The following PCDHGA3 variants were observed in gnomAD, a reference collection of about 807,000 sequenced individuals.
PCDHGA3 encodes protocadherin gamma subfamily A, 3, also known as protocadherin gamma-A3.
A neutral mutation model predicts 58.5 loss-of-function variants in PCDHGA3; 40 were observed. The observed-to-expected ratio is 0.68, with a 90% CI of 0.53 to 0.89. PCDHGA3 has a LOEUF of 0.89. Among genes scored for constraint, PCDHGA3 ranks in the 40% least tolerant of loss-of-function variants. The pLI is 0.00. For missense variants in PCDHGA3, 1,223 were observed against 1,195.9 expected, an observed-to-expected ratio of 1.02 and a Z score of -0.33; for synonymous variants, 530 against 525.7, an observed-to-expected ratio of 1.01 and a Z score of -0.11.
intron 1 of PCDHGA3, chr5:141,400,754 C>G: frequency 1.7e-6 from 1 of 589,004 alleles, no homozygotes. Context: ...TTAGCTTCCT[C>G]TCTAGCAAAA....
Position 141,403,685 on chromosome 5 carries a change from C to G in PCDHGA3, c.2424+57228C>G, listed in dbSNP as rs778849334. On this transcript the variant is annotated intron_variant, in intron 1 of 3. Coordinates refer to ENST00000253812, the MANE Select transcript of PCDHGA3 (RefSeq NM_018916.4). ...TGATAATGCCCCGGTTTTTGCTCAA[C>G]GGATTTACCGAGTTAAAGTCCTTGA... 8 of 1,613,704 alleles carry G rather than the reference C, an allele frequency of 5.0e-6. No homozygotes were observed. In the Admixed American group the frequency reaches 1.0e-4, roughly 20 times the overall value.
chr5:141,359,010 G>A (rs1338190636), intron 1 of PCDHGA3, among the ~76,000 whole-genome samples: 1 of 152,238 alleles, frequency 6.6e-6, no homozygotes, highest in Admixed American at 6.5e-5. Context: ...ACAAATTAGT[G>A]TAATTTGATA....
At chr5:141,508,267 C>G (rs993402135) in intron 3 of PCDHGA3, 5 of 152,336 alleles carry the variant, frequency 3.3e-5, no homozygotes, top group African/African-American at 9.6e-5. Context: ...AAGAGAAAAT[C>G]CCGGTCCTTG....
At chr5:141,366,885 T>A (rs1764844821) in intron 1 of PCDHGA3, 3 of 1,309,884 alleles carry the variant, frequency 2.3e-6, no homozygotes, top group African/African-American at 1.5e-5. Flanking sequence ...TTAATTTTTT[T>A]TATATAATTC....
At position 141,432,716 on chromosome 5, in the gene PCDHGA3, C is replaced by A; in HGVS notation, c.2425-62091C>A. 6.2e-7 allele frequency: 1 copy of A among 1,614,030 alleles called. No individual in the cohort carries two copies. The highest frequency in any genetic ancestry group is 1.1e-5 in the South Asian group (1 of 91,084). ...GGCCGTCCAGGACCACGGCCAGCCC[C>A]CTCTCTCCGCCACTGTCACGCTCAC... On this transcript the variant is annotated intron_variant, in intron 1 of 3. Transcript: ENST00000253812. This position sits in a 1 kb window ranked among gnomAD's most constrained non-coding sequence, Gnocchi z 6.0.
Position 141,485,181 on chromosome 5 carries a change from G to C in PCDHGA3, c.2425-9626G>C. 1 of 1,612,942 alleles carries C rather than the reference G, an allele frequency of 6.2e-7. No individual in the cohort carries two copies. Among genetic ancestry groups the C allele is most frequent in the East Asian group, 2.2e-5 (1 of 44,868 alleles). On this transcript the variant is annotated intron_variant, in intron 1 of 3. Transcript: ENST00000253812. This position sits in a 1 kb window ranked among gnomAD's most constrained non-coding sequence, Gnocchi z 5.7. ...AATTAGCGGGCGGCAGCAATGCTCC[G>C]CAAGGTGAGAAGCTGGACAGAAATC...
In PCDHGA3 at chr5:141,486,546, G is replaced by A. The variant is rs1156517969; in HGVS notation, c.2425-8261G>A. Reference sequence around the variant, plus strand: ...GATAATCCACCCTCTTTCTTTCAGAGGTCACATGAGGTGTTTGTTCCTGAG... The same window carrying A: ...GATAATCCACCCTCTTTCTTTCAGAAGTCACATGAGGTGTTTGTTCCTGAG... On this transcript the variant is annotated intron_variant, in intron 1 of 3. Coordinates refer to ENST00000253812, the MANE Select transcript of PCDHGA3 (RefSeq NM_018916.4). The surrounding 1 kb of genome is among the most constrained non-coding windows in gnomAD (Gnocchi z 5.0). 3 of 1,614,084 alleles carry A rather than the reference G, an allele frequency of 1.9e-6. No homozygotes were observed. The East Asian group carries it at 6.7e-5, about 36-fold the overall frequency.
At chr5:141,499,698 T>C (rs1312388510) in intron 2 of PCDHGA3, among the ~76,000 whole-genome samples, 2 of 149,810 alleles carry the variant, frequency 1.3e-5, no homozygotes, top group African/African-American at 2.5e-5. Context: ...ACTTTTTTTT[T>C]TTTTTTTTTT....
chr5:141,493,962 T>C lies in PCDHGA3; in HGVS notation c.2425-845T>C, dbSNP rs550317675. 6.6e-6 allele frequency among the ~76,000 whole-genome samples: 1 copy of C among 152,320 alleles called. No homozygotes were observed. Among genetic ancestry groups the C allele is most frequent in the African/African-American group, 2.4e-5 (1 of 41,578 alleles). ...AGAAGGGACTCAGGAATGAAGTGGC[T>C]GGCCAGAGCCCCACACCTTCAGCTA... is the stretch of plus-strand genomic sequence containing the variant. On this transcript the variant is annotated intron_variant, in intron 1 of 3. Coordinates refer to ENST00000253812, the MANE Select transcript of PCDHGA3 (RefSeq NM_018916.4). This position sits in a 1 kb window ranked among gnomAD's most constrained non-coding sequence, Gnocchi z 4.3.
chr5:141,344,871 A>G lies in PCDHGA3; in HGVS notation c.838A>G (p.Ile280Val). The G allele has an allele frequency of 6.2e-7, 1 of 1,613,970 alleles. No individual in the cohort carries two copies. The highest frequency in any genetic ancestry group is 8.5e-7 in the Non-Finnish European group (1 of 1,179,878). Residue 280 changes from isoleucine (I) to valine (V), a missense_variant, in exon 1 of 4, where the codon ATT (isoleucine) becomes GTT (valine). This residue lies in a region of PCDHGA3 where 791 missense variants were observed against 708.5 expected (regional missense o/e 1.12). Coordinates refer to ENST00000253812, the MANE Select transcript of PCDHGA3 (RefSeq NM_018916.4). ...DEGFNAQVSY[I>V]LDKMPGKIAE... The stretch of plus-strand genomic sequence containing the variant: ...GGGATTCAATGCTCAAGTGTCTTAT[A>G]TTCTAGATAAAATGCCTGGGAAAAT...
At chr5:141,361,920 C>A (rs756760762) in intron 1 of PCDHGA3, 5 of 1,607,942 alleles carry the variant, frequency 3.1e-6, no homozygotes. Flanking sequence ...TGGCGGTGGA[C>A]GCAGACTCAG....
rs755462760 is a variant in PCDHGA3, at chr5:141,393,015, T to A, written c.2424+46558T>A. On this transcript the variant is annotated intron_variant, in intron 1 of 3. Coordinates refer to ENST00000253812, the MANE Select transcript of PCDHGA3 (RefSeq NM_018916.4). ...GGCGAAGCACGGAGTCCGTATCGTC[T>A]CCAGAGGTAGGACGCAGCTCTTTGC... The A allele has an allele frequency of 1.6e-5, 26 of 1,613,696 alleles. No individual in the cohort carries two copies. The highest frequency in any genetic ancestry group is 1.9e-5 in the Non-Finnish European group (22 of 1,179,874).
chr5:141,350,133 C>A, intron 1 of PCDHGA3: 1 of 737,116 alleles, frequency 1.4e-6, no homozygotes, highest in Non-Finnish European at 2.0e-6. Flanking sequence ...TGAGCACAGA[C>A]GCTGCTCCTG....
In PCDHGA3 at chr5:141,512,501, G is replaced by A. The variant is rs1474842711; in HGVS notation, c.*1328G>A. The A allele has an allele frequency of 6.5e-6, 1 of 152,914 alleles. No homozygotes were observed. The highest frequency in any genetic ancestry group is 1.5e-5 in the Non-Finnish European group (1 of 68,258). The allele number at this position is 152,914 out of a possible 1,614,324, so 9.5% of individuals were successfully genotyped here. On this transcript the variant is annotated 3_prime_UTR_variant, in exon 4 of 4. Transcript: ENST00000253812. The stretch of plus-strand genomic sequence containing the variant: ...GAAGGCCACTGCCCAGGTCCCCAGT[G>A]CGCCCCCTAGTGGCCATAGCCTGGT...
chr5:141,410,897 A>G (rs1276742953), intron 1 of PCDHGA3: 1 of 273,412 alleles, frequency 3.7e-6, no homozygotes, highest in African/African-American at 3.4e-5. Flanking sequence ...ACTGTTGCCT[A>G]GGCTGGAGTG....
At chr5:141,394,096 G>C in intron 1 of PCDHGA3, 1 of 1,613,822 alleles carries the variant, frequency 6.2e-7, no homozygotes, top group African/African-American at 1.3e-5. Context: ...TCAGATCTAG[G>C]AACACCACCT....
chr5:141,477,719 T>C lies in PCDHGA3; in HGVS notation c.2425-17088T>C. 6.2e-7 allele frequency: 1 copy of C among 1,613,876 alleles called. No individual in the cohort carries two copies. Among genetic ancestry groups the C allele is most frequent in the Non-Finnish European group, 8.5e-7 (1 of 1,180,028 alleles). ...CTATGAGGATCGGCGGGAATTTGAA[T>C]TAACAGCTCATATCAGCGATGGGGG... On this transcript the variant is annotated intron_variant, in intron 1 of 3. Transcript: ENST00000253812. The surrounding 1 kb of genome is among the most constrained non-coding windows in gnomAD (Gnocchi z 4.9).
chr5:141,362,200 C>T, intron 1 of PCDHGA3: 1 of 1,614,066 alleles, frequency 6.2e-7, no homozygotes, highest in Non-Finnish European at 8.5e-7. Flanking sequence ...GGCAAAACTG[C>T]AGTTTTACCT....
chr5:141,399,597 C>T, intron 1 of PCDHGA3: 1 of 1,613,958 alleles, frequency 6.2e-7, no homozygotes, highest in Non-Finnish European at 8.5e-7. Flanking sequence ...TCATGGCCAG[C>T]GACCTAGAGC....
Sources: allele counts gnomAD v4.1 joint callset (sites outside exome capture counted in the v4.1 genomes callset), GRCh38; gene constraint gnomAD v4.1.1; regional missense constraint gnomAD v4.1.1; non-coding constraint Gnocchi (gnomAD v3.1); transcripts MANE v1.5; gene names NCBI Gene and HGNC (gene_info 2026-07-23, HGNC 2026-07-21).